The following DPYSL4 variants were observed in gnomAD, a reference collection of about 807,000 sequenced individuals.
DPYSL4 encodes the protein dihydropyrimidinase-related protein 4.
DPYSL4 carries 43 observed loss-of-function variants against 63.4 expected under a neutral mutation model. That is an observed-to-expected ratio of 0.68 (90% CI 0.53 to 0.88). The LOEUF (loss-of-function observed/expected upper bound fraction) is 0.88. Among genes scored for constraint, DPYSL4 ranks in the 40% least tolerant of loss-of-function variants. The probability of loss-of-function intolerance (pLI) is 0.00; values close to 1 mark genes in which losing one functional copy is unlikely to be tolerated. For missense variants in DPYSL4, 733 were observed against 819.5 expected (o/e 0.89, Z 1.29); for synonymous variants, 353 against 331.7 (o/e 1.06, Z -0.70).
intron 3 of DPYSL4, among the ~76,000 whole-genome samples, 195 bp from the exon 4 acceptor site, chr10:132,194,650 G>A (rs1304164506): frequency 6.6e-6 from 1 of 152,206 alleles, no homozygotes; most frequent in African/African-American, 2.4e-5. Context: ...TGGGACAGAA[G>A]GTTCCTCTTT....
chr10:132,201,262 T>C lies in DPYSL4; in HGVS notation c.1110+279T>C, dbSNP rs573696246. On this transcript the variant is annotated intron_variant, in intron 10 of 13. Transcript: ENST00000338492. ...CACTGTGTTTGCCCAGGGGTCAGCA[T>C]GGGGTCTCCACGCTGTGATGTTAGT... is the stretch of plus-strand genomic sequence containing the variant. Among the ~76,000 whole-genome samples the C allele has an allele frequency of 3.9e-5, 6 of 152,178 alleles. No individual in the cohort carries two copies. In the South Asian group the frequency reaches 1.2e-3, roughly 32 times the overall value.
chr10:132,194,723 CTG>C, intron 3 of DPYSL4, 120 bp from the exon 4 acceptor site: 3 of 1,302,640 alleles, frequency 2.3e-6, no homozygotes, highest in Non-Finnish European at 2.2e-6. Context: ...GTGGCCTCTG[CTG>C]TGTCTCCCTC....
At chr10:132,192,587 T>C in intron 2 of DPYSL4, 71 bp from the exon 3 acceptor site, 1 of 1,516,476 alleles carries the variant, frequency 6.6e-7, no homozygotes, top group Non-Finnish European at 8.8e-7. Flanking sequence ...TTAGCTCTGC[T>C]GCATTGCTGG....
intron 6 of DPYSL4, among the ~76,000 whole-genome samples, chr10:132,197,688 C>T (rs2814157): frequency 0.066 from 10,005 of 152,348 alleles, 446 homozygotes; most frequent in Middle Eastern, 0.12. Context: ...GACACACCTC[C>T]CTGACACTGC....
chr10:132,191,078 A>G (rs200655064), intron 2 of DPYSL4, among the ~76,000 whole-genome samples: 672 of 61,418 alleles, frequency 0.011, 105 homozygotes, highest in East Asian at 0.045. Context: ...GGCAGGTGCA[A>G]ATAGTTCCCA....
chr10:132,194,191 G>A (rs143796477), intron 3 of DPYSL4, among the ~76,000 whole-genome samples: 2 of 152,364 alleles, frequency 1.3e-5, no homozygotes, highest in African/African-American at 2.4e-5. Flanking sequence ...GGATGAGTAG[G>A]GGCCCGAGGG....
At chr10:132,191,969 T>C in intron 2 of DPYSL4, among the ~76,000 whole-genome samples, 1 of 134,990 alleles carries the variant, frequency 7.4e-6, no homozygotes, top group African/African-American at 2.8e-5. Context: ...TCCCAGCTCG[T>C]GTGTACACGC....
In DPYSL4 at chr10:132,194,954, C is replaced by T; in HGVS notation, c.423C>T (p.Ile141=). The change falls in exon 4 of 14, where the codon ATC becomes ATT. Residue 141 remains isoleucine (I), a synonymous_variant. Transcript: ENST00000338492. The part of the protein sequence containing the change: ...ACCDYSLHVD[I]TRWHESIKEE... ...GCGACTACTCCCTGCACGTGGACAT[C>T]ACCCGATGGCATGAGAGCATCAAGG... 1.9e-6 allele frequency: 3 copies of T among 1,611,202 alleles called. No homozygotes were observed. The highest frequency in any genetic ancestry group is 2.5e-6 in the Non-Finnish European group (3 of 1,179,922).
chr10:132,196,748 A>G lies in DPYSL4; in HGVS notation c.479-113A>G, dbSNP rs111372284. 2.5e-3 allele frequency: 2,974 copies of G among 1,208,498 alleles called. 45 individuals are homozygous for G. The African/African-American group carries it at 0.038, about 15-fold the overall frequency. The allele number at this position is 1,208,498 out of a possible 1,614,324, so 74.9% of individuals were successfully genotyped here. On this transcript the variant is annotated intron_variant, in intron 4 of 13. Coordinates refer to ENST00000338492, the MANE Select transcript of DPYSL4 (RefSeq NM_006426.3). ...GGGCTGGCAAGCCAGTGAGGGAAGC[A>G]CTGCGGGGGAGGGGCCCAAGACCCC...
rs2062008563 is a variant in DPYSL4, at chr10:132,200,944, C to T, written c.1071C>T (p.Gly357=). The change falls in exon 10 of 14, where the codon GGC becomes GGT. Residue 357 remains glycine (G), a synonymous_variant. Transcript: ENST00000338492. The part of the protein sequence containing the change: ...NFALIPEGTN[G]IEERMSMVWE... ...CGCTGATCCCCGAGGGCACCAACGG[C>T]ATTGAGGAGCGCATGTCGATGGTCT... 6.2e-7 allele frequency: 1 copy of T among 1,613,326 alleles called. No homozygotes were observed.
Position 132,198,773 on chromosome 10 carries a change from C to T in DPYSL4, c.691-78C>T, listed in dbSNP as rs114423042. ...GAGCCTGGGATCCCATGGGTGACAC[C>T]TGGGCATCCCCATTGCCCACACTGG... On this transcript the variant is annotated intron_variant, in intron 7 of 13. Transcript: ENST00000338492. The T allele has an allele frequency of 1.5e-3, 2,296 of 1,568,182 alleles. 30 individuals carry two copies. In the African/African-American group the frequency reaches 0.026, roughly 18 times the overall value.
intron 4 of DPYSL4, among the ~76,000 whole-genome samples, chr10:132,196,504 G>A (rs1020896855): frequency 6.6e-6 from 1 of 152,228 alleles, no homozygotes; most frequent in African/African-American, 2.4e-5. Context: ...CCAGGAGGGA[G>A]CCAGTGGAAC....
At chr10:132,187,359 G>GGGCCCTGCCCGGCCTTGCCCTGCCC (rs1565035151) in intron 1 of DPYSL4, among the ~76,000 whole-genome samples, 3 of 28,660 alleles carry the variant, frequency 1.0e-4, no homozygotes, top group African/African-American at 3.6e-4. Flanking sequence ...CGGCCCTGCC[G>GGGCCCTGCCCGGCCTTGCCCTGCCC]GGCCCTGCCG....
chr10:132,193,478 T>C (rs1306653156), intron 3 of DPYSL4, among the ~76,000 whole-genome samples: 1 of 152,044 alleles, frequency 6.6e-6, no homozygotes, highest in East Asian at 1.9e-4. Context: ...GGTGGGTGAG[T>C]GGAGTCCGCC....
At chr10:132,198,306 T>TG (rs2061970387) in intron 6 of DPYSL4, 109 bp from the exon 7 acceptor site, 1 of 1,046,552 alleles carries the variant, frequency 9.6e-7, no homozygotes, top group South Asian at 1.5e-5. Context: ...CTGGGAGGCC[T>TG]GGGGGTCCAG....
At position 132,187,085 on chromosome 10, in the gene DPYSL4, A is replaced by C. The variant is rs1366495219; in HGVS notation, c.22A>C (p.Ser8Arg). 7.1e-7 allele frequency: 1 copy of C among 1,407,814 alleles called. No individual in the cohort carries two copies. Among genetic ancestry groups the C allele is most frequent in the Non-Finnish European group, 9.5e-7 (1 of 1,057,440 alleles). 87.2% of individuals were successfully genotyped at this position (1,407,814 alleles called of 1,614,324 possible). A position where few individuals can be genotyped will look rare whatever the true frequency, so the allele number is the denominator to read the frequency against. The change falls in exon 1 of 14, where the codon AGC becomes CGC. Residue 8 changes from serine (S) to arginine (R), a missense_variant. By Grantham distance (110) the Ser-to-Arg change is moderately radical. Coordinates refer to ENST00000338492, the MANE Select transcript of DPYSL4 (RefSeq NM_006426.3). The part of the protein sequence containing the change: MSFQGKK[S>R]IPRITSDRLL... ...CAGGATGTCCTTCCAGGGCAAGAAA[A>C]GCATCCCCCGGATCACGGTGAGCCC...
Position 132,187,086 on chromosome 10 carries a change from G to A in DPYSL4, c.23G>A (p.Ser8Asn). The A allele has an allele frequency of 7.3e-7, 1 of 1,371,560 alleles. No individual in the cohort carries two copies. Among genetic ancestry groups the A allele is most frequent in the Middle Eastern group, 2.0e-4 (1 of 4,902 alleles). The allele number at this position is 1,371,560 out of a possible 1,614,324, so 85.0% of individuals were successfully genotyped here. Reference sequence around the variant, plus strand: ...AGGATGTCCTTCCAGGGCAAGAAAAGCATCCCCCGGATCACGGTGAGCCCG... The same window carrying A: ...AGGATGTCCTTCCAGGGCAAGAAAAACATCCCCCGGATCACGGTGAGCCCG... MSFQGKKSIPRITSDRLL... is the reference protein window; with the variant it reads MSFQGKKNIPRITSDRLL... The change falls in exon 1 of 14, where the codon AGC (serine) becomes AAC (asparagine). Residue 8 changes from serine to asparagine, a missense_variant. Transcript: ENST00000338492.
In DPYSL4 at chr10:132,202,776, G is replaced by A. The variant is rs777898676; in HGVS notation, c.1412G>A (p.Arg471Gln). Reference protein sequence around the residue: ...VTPGAGRFVPRKTFPDFVYKR... With the variant: ...VTPGAGRFVPQKTFPDFVYKR... Reference sequence around the variant, plus strand: ...CCGGGGGCGGGCCGCTTCGTCCCTCGGAAAACATTCCCGGACTTTGTCTAC... The same window carrying A: ...CCGGGGGCGGGCCGCTTCGTCCCTCAGAAAACATTCCCGGACTTTGTCTAC... Residue 471 changes from arginine to glutamine, a missense_variant, in exon 12 of 14, where the codon CGG becomes CAG. Physicochemically the swap from Arg to Gln is conservative, Grantham distance 43. Transcript: ENST00000338492. The A allele has an allele frequency of 2.4e-5, 38 of 1,611,618 alleles. No homozygotes were observed. The highest frequency in any genetic ancestry group is 3.3e-4 in the Middle Eastern group (2 of 6,072).
intron 13 of DPYSL4, 67 bp from the exon 14 acceptor site, chr10:132,204,770 TCA>T: frequency 7.1e-7 from 1 of 1,398,810 alleles, no homozygotes; most frequent in Non-Finnish European, 9.7e-7. Flanking sequence ...TGACTCTGCC[TCA>T]CGCCTTGAAT....
Sources: allele counts gnomAD v4.1 joint callset (sites outside exome capture counted in the v4.1 genomes callset), GRCh38; gene constraint gnomAD v4.1.1; transcripts MANE v1.5; gene names NCBI Gene and HGNC (gene_info 2026-07-23, HGNC 2026-07-21).